Variants in AKTIP observed in about 807,000 individuals in gnomAD.
The protein encoded by AKTIP is AKT-interacting protein.
Under a neutral mutation model 39.1 loss-of-function variants are expected in AKTIP, and 16 were observed. The observed-to-expected ratio is 0.41, with a 90% CI of 0.28 to 0.62. The LOEUF (loss-of-function observed/expected upper bound fraction) is 0.62. Among genes scored for constraint, AKTIP ranks in the 20% least tolerant of loss-of-function variants. The pLI is 0.32. For missense variants in AKTIP, 262 were observed against 356.6 expected (o/e 0.73, Z 2.14); for synonymous variants, 93 against 124.3 (o/e 0.75, Z 1.67).
At chr16:53,497,120 T>C (rs950920578) in intron 3 of AKTIP, among the ~76,000 whole-genome samples, 3 of 152,146 alleles carry the variant, frequency 2.0e-5, no homozygotes, top group African/African-American at 7.2e-5. Context: ...AAAATAACTG[T>C]ATACAAAGGA....
At chr16:53,502,186 C>T (rs945435687) in intron 1 of AKTIP, among the ~76,000 whole-genome samples, 5 of 152,212 alleles carry the variant, frequency 3.3e-5, no homozygotes, top group East Asian at 3.9e-4. Context: ...TCTTCTGCTG[C>T]CTAACTTTGC....
chr16:53,491,420 G>C lies in AKTIP; in HGVS notation c.*992C>G, dbSNP rs1249882242. 1 of 152,268 alleles carries C rather than the reference G, an allele frequency of 6.6e-6. No individual in the cohort carries two copies. The highest frequency in any genetic ancestry group is 1.9e-4 in the East Asian group (1 of 5,192). 9.4% of individuals were successfully genotyped at this position (152,268 alleles called of 1,614,324 possible). On this transcript the variant is annotated 3_prime_UTR_variant, in exon 10 of 10. Coordinates refer to ENST00000394657, the MANE Select transcript of AKTIP (RefSeq NM_022476.4). ...ATCTTTATTAATCACTATTGTTCCAGCAGTTTTCAAGTCAAATTAATAATC... is the reference window on the plus strand; with the variant it reads ...ATCTTTATTAATCACTATTGTTCCACCAGTTTTCAAGTCAAATTAATAATC...
rs772291137 is a variant in AKTIP, at chr16:53,500,275, C to T, written c.-16G>A. On this transcript the variant is annotated 5_prime_UTR_variant, in exon 2 of 10. Coordinates refer to ENST00000394657, the MANE Select transcript of AKTIP (RefSeq NM_022476.4). ...AAGGGTTCATAACGTGTATTCCAAA[C>T]AAAGAAAGTCAGTGGTGTATCATCC... The T allele has an allele frequency of 6.2e-7, 1 of 1,610,884 alleles. No individual in the cohort carries two copies. Among genetic ancestry groups the T allele is most frequent in the Non-Finnish European group, 8.5e-7 (1 of 1,179,048 alleles).
At position 53,491,553 on chromosome 16, in the gene AKTIP, G is replaced by A. The variant is rs1961457442; in HGVS notation, c.*859C>T. 1 of 152,482 alleles carries A rather than the reference G, an allele frequency of 6.6e-6. No homozygotes were observed. The highest frequency in any genetic ancestry group is 1.5e-5 in the Non-Finnish European group (1 of 68,020). The allele number at this position is 152,482 out of a possible 1,614,324, so 9.4% of individuals were successfully genotyped here. A position where few individuals can be genotyped will look rare whatever the true frequency, so the allele number is the denominator to read the frequency against. On this transcript the variant is annotated 3_prime_UTR_variant, in exon 10 of 10. Transcript: ENST00000394657. ...GAACTTACATTGTTCAATTAGAATA[G>A]TGTTCTGCAAAAATATTTATAAAAC...
intron 3 of AKTIP, among the ~76,000 whole-genome samples, chr16:53,498,117 T>TA (rs1444168133): frequency 2.0e-5 from 3 of 152,240 alleles, no homozygotes; most frequent in African/African-American, 7.2e-5. Flanking sequence ...ACATGGAAAT[T>TA]AAAGTACCCT....
chr16:53,495,509 C>T (rs1465270394), intron 3 of AKTIP, among the ~76,000 whole-genome samples, 183 bp from the exon 4 acceptor site: 1 of 152,208 alleles, frequency 6.6e-6, no homozygotes, highest in Non-Finnish European at 1.5e-5. Context: ...CAGCCCTGAT[C>T]GCTGCCCACT....
At chr16:53,497,571 C>T (rs1172916752) in intron 3 of AKTIP, among the ~76,000 whole-genome samples, 1 of 152,226 alleles carries the variant, frequency 6.6e-6, no homozygotes, top group Non-Finnish European at 1.5e-5. Context: ...TAGGCCTTCT[C>T]CTCCATCTGT....
rs995659733 is a variant in AKTIP at position 53,494,706 on chromosome 16, C to T, written c.415-101G>A. On this transcript the variant is annotated intron_variant, in intron 5 of 9. Coordinates refer to ENST00000394657, the MANE Select transcript of AKTIP (RefSeq NM_022476.4). ...AAAGAGCTTCAGGACAAGGCAGTCA[C>T]GTTATTTAAAGCTAAAGAGCTGCCT... The T allele has an allele frequency of 2.8e-5, 33 of 1,176,264 alleles. No individual in the cohort carries two copies. In the East Asian group the frequency reaches 3.6e-4, roughly 13 times the overall value. The allele number at this position is 1,176,264 out of a possible 1,614,324, so 72.9% of individuals were successfully genotyped here.
At chr16:53,493,995 G>A (rs1476997589) in intron 8 of AKTIP, 143 bp downstream of exon 8, 6 of 623,572 alleles carry the variant, frequency 9.6e-6, no homozygotes, top group African/African-American at 3.7e-5. Flanking sequence ...ATCAGAAATC[G>A]AGTTGGCACC....
In AKTIP at chr16:53,492,804, C is replaced by T. The variant is rs764283521; in HGVS notation, c.711-51G>A. 5.2e-6 allele frequency: 8 copies of T among 1,545,576 alleles called. No homozygotes were observed. In the African/African-American group the frequency reaches 1.1e-4, roughly 21 times the overall value. On this transcript the variant is annotated intron_variant, in intron 8 of 9. Coordinates refer to ENST00000394657, the MANE Select transcript of AKTIP (RefSeq NM_022476.4). Reference sequence around the variant, plus strand: ...AACTATTTGTTGGCTCACTAAATTTCTATAACATTCATTTTGCAGTTTTAA... The same window carrying T: ...AACTATTTGTTGGCTCACTAAATTTTTATAACATTCATTTTGCAGTTTTAA...
chr16:53,500,299 C>A lies in AKTIP; in HGVS notation c.-40G>T. 1 of 1,604,408 alleles carries A rather than the reference C, an allele frequency of 6.2e-7. No individual in the cohort carries two copies. On this transcript the variant is annotated 5_prime_UTR_variant, in exon 2 of 10. Transcript: ENST00000394657. ...ACAAAGAAAGTCAGTGGTGTATCAT[C>A]CAAATCTTCTGTCTTCGGCATTCAC...
chr16:53,492,621 G>GCA, intron 9 of AKTIP, 72 bp downstream of exon 9: 1 of 1,596,982 alleles, frequency 6.3e-7, no homozygotes, highest in Non-Finnish European at 8.6e-7. Context: ...TATGTAATGA[G>GCA]CAGTCTCCAA....
intron 2 of AKTIP, 99 bp from the exon 3 acceptor site, chr16:53,498,695 T>A: frequency 8.4e-7 from 1 of 1,195,700 alleles, no homozygotes; most frequent in Non-Finnish European, 1.2e-6. Context: ...ATTACTCCTT[T>A]ACAAGCACAT....
chr16:53,492,610 G>T, intron 9 of AKTIP, 83 bp downstream of exon 9: 1 of 1,597,108 alleles, frequency 6.3e-7, no homozygotes, highest in South Asian at 1.1e-5. Flanking sequence ...AAAGTTACTT[G>T]TATGTAATGA....
rs190666875 is a variant in AKTIP, at chr16:53,500,200, T to A, written c.42+18A>T. The A allele has an allele frequency of 9.3e-5, 148 of 1,589,490 alleles. 2 individuals are homozygous for A. The East Asian group carries it at 2.4e-3, about 26-fold the overall frequency. ...GAAGCAAATGGGTTTTCTTACTGAATTTATCAACTATACCTACTTTGCGTA... is the reference window on the plus strand; with the variant it reads ...GAAGCAAATGGGTTTTCTTACTGAAATTATCAACTATACCTACTTTGCGTA... On this transcript the variant is annotated intron_variant, in intron 2 of 9. Transcript: ENST00000394657.
At position 53,491,566 on chromosome 16, in the gene AKTIP, ATATT is replaced by A. The variant is rs1305374292; in HGVS notation, c.*842_*845del. On this transcript the variant is annotated 3_prime_UTR_variant, in exon 10 of 10. Coordinates refer to ENST00000394657, the MANE Select transcript of AKTIP (RefSeq NM_022476.4). ...TCAATTAGAATAGTGTTCTGCAAAAATATTTATAAAACTTCTCAAGATACTGCTA... is the reference window on the plus strand; with the variant it reads ...TCAATTAGAATAGTGTTCTGCAAAAATATAAAACTTCTCAAGATACTGCTA... The A allele has an allele frequency of 3.9e-5, 6 of 152,608 alleles. No homozygotes were observed. The highest frequency in any genetic ancestry group is 3.3e-4 in the Admixed American group (5 of 15,284). The allele number at this position is 152,608 out of a possible 1,614,324, so 9.5% of individuals were successfully genotyped here.
At chr16:53,501,499 A>G (rs558170408) in intron 1 of AKTIP, 1 of 152,334 alleles carries the variant, frequency 6.6e-6, no homozygotes, top group Admixed American at 6.5e-5. Context: ...CTGCCCTGGT[A>G]TTTCCCCCCA....
Position 53,498,593 on chromosome 16 carries a change from A to G in AKTIP, c.46T>C (p.Ser16Pro). 6.2e-7 allele frequency: 1 copy of G among 1,613,958 alleles called. No individual in the cohort carries two copies. The highest frequency in any genetic ancestry group is 1.1e-5 in the South Asian group (1 of 91,072). Residue 16 changes from serine (S) to proline (P), a missense_variant, in exon 3 of 10, where the codon TCT (serine) becomes CCT (proline). Physicochemically the swap from Ser to Pro is moderately conservative, Grantham distance 74. Coordinates refer to ENST00000394657, the MANE Select transcript of AKTIP (RefSeq NM_022476.4). ...SMSTSSVRKRSEGEEKTLTGD... is the reference protein window; with the variant it reads ...SMSTSSVRKRPEGEEKTLTGD... The stretch of plus-strand genomic sequence containing the variant: ...GTTAATGTCTTCTCTTCACCTTCAG[A>G]TCGCTATACAAGATGAAGTTGTAAG...
chr16:53,492,205 A>C lies in AKTIP; in HGVS notation c.*207T>G, dbSNP rs1961523121. 1 of 496,900 alleles carries C rather than the reference A, an allele frequency of 2.0e-6. No individual in the cohort carries two copies. The highest frequency in any genetic ancestry group is 3.6e-5 in the Admixed American group (1 of 27,616). The allele number at this position is 496,900 out of a possible 1,614,324, so 30.8% of individuals were successfully genotyped here. A position where few individuals can be genotyped will look rare whatever the true frequency, so the allele number is the denominator to read the frequency against. On this transcript the variant is annotated 3_prime_UTR_variant, in exon 10 of 10. Transcript: ENST00000394657. ...ATTTGGAGTACTGAACTAGATAACC[A>C]CCCTAAGACACTTCTGACAGAAGTA...
Sources: allele counts gnomAD v4.1 joint callset (sites outside exome capture counted in the v4.1 genomes callset), GRCh38; gene constraint gnomAD v4.1.1; transcripts MANE v1.5; gene names NCBI Gene and HGNC (gene_info 2026-07-23, HGNC 2026-07-21).